IGSF21: variants seen among roughly 807,000 people sequenced by gnomAD.
IGSF21 encodes immunoglobulin superfamily member 21.
IGSF21 carries 28 observed loss-of-function variants against 46.8 expected under a neutral mutation model. The ratio of observed to expected loss-of-function variants is 0.60; its 90% CI spans 0.44 to 0.82. IGSF21 has a LOEUF of 0.82. Among genes scored for constraint, IGSF21 ranks in the 40% least tolerant of loss-of-function variants. IGSF21 has a pLI of 0.00. For missense variants in IGSF21, 624 were observed against 665.5 expected, an observed-to-expected ratio of 0.94 and a Z score of 0.69; for synonymous variants, 284 against 273.6, an observed-to-expected ratio of 1.04 and a Z score of -0.38.
chr1:18,235,190 G>A (rs569760249), intron 2 of IGSF21, among the ~76,000 whole-genome samples: 2 of 152,274 alleles, frequency 1.3e-5, no homozygotes, highest in East Asian at 1.9e-4. Context: ...TGACAGTGAC[G>A]CACTCAACCC....
intron 6 of IGSF21, among the ~76,000 whole-genome samples, chr1:18,367,601 C>CTTTTTTTTTTTTT (rs2086179434): frequency 1.4e-5 from 1 of 72,462 alleles, no homozygotes; most frequent in South Asian, 5.0e-4. Flanking sequence ...CTCTCTCTCT[C>CTTTTTTTTTTTTT]TCTTTTTTTT....
At chr1:18,250,682 T>C (rs969089097) in intron 2 of IGSF21, among the ~76,000 whole-genome samples, 1 of 152,212 alleles carries the variant, frequency 6.6e-6, no homozygotes, top group African/African-American at 2.4e-5. Flanking sequence ...TGGACCTCAG[T>C]TTCCTCTTGT....
At chr1:18,201,011 GC>G (rs1247704288) in intron 1 of IGSF21, among the ~76,000 whole-genome samples, 3 of 152,212 alleles carry the variant, frequency 2.0e-5, no homozygotes, top group Non-Finnish European at 4.4e-5. Flanking sequence ...AGGGAGATAA[GC>G]ATTTATGGAA....
chr1:18,181,231 C>T (rs540668641), intron 1 of IGSF21, among the ~76,000 whole-genome samples: 4 of 152,316 alleles, frequency 2.6e-5, no homozygotes, highest in South Asian at 2.1e-4. Flanking sequence ...CTCATATCTC[C>T]GAAGCCCCAT....
At chr1:18,309,936 C>A (rs1233520916) in intron 3 of IGSF21, among the ~76,000 whole-genome samples, 1 of 152,184 alleles carries the variant, frequency 6.6e-6, no homozygotes, top group East Asian at 1.9e-4. Flanking sequence ...GTGATGCCAG[C>A]CGACGAGGCC....
chr1:18,108,041 A>C lies in IGSF21; in HGVS notation c.-88A>C, dbSNP rs1302389659. On this transcript the variant is annotated 5_prime_UTR_variant, in exon 1 of 10. Transcript: ENST00000251296. ...ACCGCCTCGGCCAGTGGCCGGAGGC[A>C]GGAGCGCGTCTGAGCCCATGGCGAG... 1 of 499,388 alleles carries C rather than the reference A, an allele frequency of 2.0e-6. No individual in the cohort carries two copies. Among genetic ancestry groups the C allele is most frequent in the Non-Finnish European group, 3.0e-6 (1 of 330,108 alleles). 30.9% of individuals were successfully genotyped at this position (499,388 alleles called of 1,614,324 possible). A position where few individuals can be genotyped will look rare whatever the true frequency, so the allele number is the denominator to read the frequency against.
At chr1:18,218,432 A>G (rs1384478163) in intron 1 of IGSF21, among the ~76,000 whole-genome samples, 1 of 152,260 alleles carries the variant, frequency 6.6e-6, no homozygotes, top group Non-Finnish European at 1.5e-5. Flanking sequence ...TAGTAATTAA[A>G]CAACACAAAA....
At position 18,255,073 on chromosome 1, in the gene IGSF21, G is replaced by T. The variant is rs537876676; in HGVS notation, c.183+27063G>T. On this transcript the variant is annotated intron_variant, in intron 2 of 9. Coordinates refer to ENST00000251296, the MANE Select transcript of IGSF21 (RefSeq NM_032880.5). ...CAAGGTGAAATACACTGACCCCAGC[G>T]AAAGTGACAAATTTGGCCCTGCCCA... Among the ~76,000 whole-genome samples, 20 of 152,308 alleles carry T rather than the reference G, an allele frequency of 1.3e-4. No individual in the cohort carries two copies. In the South Asian group the frequency reaches 4.1e-3, roughly 32 times the overall value.
intron 1 of IGSF21, chr1:18,114,920 C>T (rs12403357): frequency 0.28 from 42,466 of 152,144 alleles, 7,175 homozygotes; most frequent in East Asian, 0.63. Context: ...TAAGCTTTGA[C>T]CTCAAGTGTG....
chr1:18,346,383 T>A (rs1372767065), intron 4 of IGSF21, among the ~76,000 whole-genome samples: 1 of 152,106 alleles, frequency 6.6e-6, no homozygotes, highest in Non-Finnish European at 1.5e-5. Flanking sequence ...TCTCAAGGAA[T>A]GAATAAGATG....
intron 2 of IGSF21, among the ~76,000 whole-genome samples, chr1:18,262,014 G>A (rs190592025): frequency 3.8e-4 from 58 of 152,258 alleles, no homozygotes; most frequent in African/African-American, 1.1e-3. Flanking sequence ...ATGTGTGTAA[G>A]AATCACCTGA....
chr1:18,195,365 A>C (rs2124478869), intron 1 of IGSF21, among the ~76,000 whole-genome samples: 1 of 152,332 alleles, frequency 6.6e-6, no homozygotes, highest in South Asian at 2.1e-4. Context: ...TCGATGGATT[A>C]TAACGGCTGG....
chr1:18,216,898 C>G (rs1388575566), intron 1 of IGSF21, among the ~76,000 whole-genome samples: 1 of 152,110 alleles, frequency 6.6e-6, no homozygotes, highest in Admixed American at 6.5e-5. Flanking sequence ...AGCACTGGAA[C>G]CCAGGGAGGA....
chr1:18,144,804 G>A (rs764289811), intron 1 of IGSF21, among the ~76,000 whole-genome samples: 1 of 152,100 alleles, frequency 6.6e-6, no homozygotes, highest in Non-Finnish European at 1.5e-5. Context: ...ATTCCTGCTG[G>A]GGCCCTTGTT....
intron 1 of IGSF21, among the ~76,000 whole-genome samples, chr1:18,133,646 A>C (rs1349875082): frequency 6.6e-6 from 1 of 152,182 alleles, no homozygotes; most frequent in Non-Finnish European, 1.5e-5. Flanking sequence ...CCCTACCAAC[A>C]GTCTGCCCCA....
chr1:18,326,350 T>C (rs2085657894), intron 3 of IGSF21, among the ~76,000 whole-genome samples: 1 of 152,186 alleles, frequency 6.6e-6, no homozygotes, highest in Non-Finnish European at 1.5e-5. Flanking sequence ...ATGCTTGGGA[T>C]CTTTCCAGCA....
intron 1 of IGSF21, among the ~76,000 whole-genome samples, chr1:18,159,199 G>A (rs2086594467): frequency 6.6e-6 from 1 of 152,204 alleles, no homozygotes; most frequent in Non-Finnish European, 1.5e-5. Context: ...TGAGAAAAAT[G>A]TGCTCAATGA....
chr1:18,268,817 G>A (rs79587117), intron 2 of IGSF21, among the ~76,000 whole-genome samples: 1,654 of 152,266 alleles, frequency 0.011, 35 homozygotes, highest in African/African-American at 0.037. Context: ...AGGCTTATCC[G>A]GATGGAAGGC....
chr1:18,231,099 C>T (rs183693124), intron 2 of IGSF21, among the ~76,000 whole-genome samples: 10 of 152,280 alleles, frequency 6.6e-5, no homozygotes, highest in East Asian at 3.9e-4. Flanking sequence ...GCTCCAACCC[C>T]GTTAGAAGGA....
Sources: allele counts gnomAD v4.1 joint callset (sites outside exome capture counted in the v4.1 genomes callset), GRCh38; gene constraint gnomAD v4.1.1; transcripts MANE v1.5; gene names NCBI Gene and HGNC (gene_info 2026-07-23, HGNC 2026-07-21).